PCYT1B: variants seen among roughly 807,000 people sequenced by gnomAD.
The protein encoded by PCYT1B is phosphate cytidylyltransferase 1B, choline.
A neutral mutation model predicts 26.4 loss-of-function variants in PCYT1B; 10 were observed. The ratio of observed to expected loss-of-function variants is 0.38; its 90% CI spans 0.23 to 0.64. The LOEUF (loss-of-function observed/expected upper bound fraction) is 0.64, where lower values mean the gene tolerates loss of function less well. Ranked by LOEUF, PCYT1B falls within the 30% of genes least tolerant of loss-of-function variation. The pLI, the probability that PCYT1B is intolerant of heterozygous loss-of-function variation, is 0.56. For synonymous variants in PCYT1B, 131 were observed against 108.4 expected, an observed-to-expected ratio of 1.21 and a Z score of -1.29; for missense variants, 161 against 292.7, an observed-to-expected ratio of 0.55 and a Z score of 3.28.
intron 3 of PCYT1B, among the ~76,000 whole-genome samples, chrX:24,601,605 A>T (rs909652999): frequency 1.8e-5 from 2 of 111,827 alleles, no homozygotes; most frequent in African/African-American, 6.5e-5. Context: ...AACAATAAGA[A>T]AAAAAACAGC....
intron 1 of PCYT1B, among the ~76,000 whole-genome samples, chrX:24,662,950 A>C (rs2148281042): frequency 8.9e-6 from 1 of 111,895 alleles, no homozygotes; most frequent in South Asian, 3.7e-4. Context: ...AGTCATTCAG[A>C]CCTTGCCTTG....
At chrX:24,567,627 T>C (rs1408531984) in intron 7 of PCYT1B, among the ~76,000 whole-genome samples, 1 of 112,270 alleles carries the variant, frequency 8.9e-6, no homozygotes, top group Non-Finnish European at 1.9e-5. Flanking sequence ...GTTTTCTATT[T>C]CTCTCCTATG....
chrX:24,670,093 AAAGAAAGAAAGAAAGAAAGAAAGG>A (rs1281846842), intron 1 of PCYT1B, among the ~76,000 whole-genome samples: 55 of 85,206 alleles, frequency 6.5e-4, no homozygotes, highest in East Asian at 4.2e-3. Context: ...AGAAAGAAAG[AAAGAAAGAAAGAAAGAAAGAAAGG>A]AAGGAAGGAA....
At chrX:24,574,211 T>C (rs1023113895) in intron 7 of PCYT1B, among the ~76,000 whole-genome samples, 1 of 111,658 alleles carries the variant, frequency 9.0e-6, no homozygotes, top group East Asian at 2.8e-4. Context: ...TTTTTTCTTT[T>C]TGTTGTAGGA....
chrX:24,593,587 C>T (rs1192059372), intron 3 of PCYT1B, among the ~76,000 whole-genome samples: 1 of 106,906 alleles, frequency 9.4e-6, no homozygotes, highest in Non-Finnish European at 1.9e-5. Context: ...AGTGCAATGG[C>T]GCGATCTCAG....
rs1350156655 is a variant in PCYT1B at position 24,559,279 on chromosome X, T to G, written c.*3014A>C. 1.0e-5 allele frequency: 1 copy of G among 98,213 alleles called. No individual in the cohort carries two copies. Among genetic ancestry groups the G allele is most frequent in the Non-Finnish European group, 2.0e-5 (1 of 49,944 alleles). 8.1% of individuals were successfully genotyped at this position (98,213 alleles called of 1,213,427 possible). A position where few individuals can be genotyped will look rare whatever the true frequency, so the allele number is the denominator to read the frequency against. On this transcript the variant is annotated 3_prime_UTR_variant, in exon 8 of 8. Coordinates refer to ENST00000379144, the MANE Select transcript of PCYT1B (RefSeq NM_004845.5). ...CTGCAGTGAGCCGAGATTGTGCCAT[T>G]GCACTCCAGCCTGAGCAACAAGAGC... is the stretch of plus-strand genomic sequence containing the variant.
At chrX:24,636,091 C>A (rs1324664816) in intron 1 of PCYT1B, among the ~76,000 whole-genome samples, 3 of 111,663 alleles carry the variant, frequency 2.7e-5, no homozygotes, top group African/African-American at 9.8e-5. Flanking sequence ...TCACTAGACT[C>A]TCTTTGGGGC....
At chrX:24,601,886 T>C (rs748197711) in intron 3 of PCYT1B, among the ~76,000 whole-genome samples, 1 of 112,441 alleles carries the variant, frequency 8.9e-6, no homozygotes, top group African/African-American at 3.2e-5. Context: ...TTGAATGCTC[T>C]ACCTCTGAGC....
At position 24,618,966 on chromosome X, in the gene PCYT1B, C is replaced by T. The variant is rs1925611485; in HGVS notation, c.217+19G>A. On this transcript the variant is annotated intron_variant, in intron 2 of 7. Transcript: ENST00000379144. ...ATGTCAAGACAGGGCCCATTTAAGA[C>T]AAAGAAGTACAGCCTCACCTGGTGT... 1 of 1,049,888 alleles carries T rather than the reference C, an allele frequency of 9.5e-7. No individual in the cohort carries two copies. The highest frequency in any genetic ancestry group is 1.3e-6 in the Non-Finnish European group (1 of 786,053). The allele number at this position is 1,049,888 out of a possible 1,213,427, so 86.5% of individuals were successfully genotyped here.
chrX:24,664,090 G>A (rs1667970161), intron 1 of PCYT1B, among the ~76,000 whole-genome samples: 1 of 110,716 alleles, frequency 9.0e-6, no homozygotes, highest in Non-Finnish European at 1.9e-5. Flanking sequence ...ATTTTTGGTT[G>A]TCATGACTTG....
At chrX:24,604,450 C>T (rs779749609) in intron 3 of PCYT1B, among the ~76,000 whole-genome samples, 5 of 111,496 alleles carry the variant, frequency 4.5e-5, no homozygotes, top group South Asian at 7.5e-4. Flanking sequence ...TATTACAATT[C>T]GATTATTTTA....
At chrX:24,607,661 T>A (rs1359092730) in intron 3 of PCYT1B, 84 bp downstream of exon 3, 7 of 508,101 alleles carry the variant, frequency 1.4e-5, no homozygotes, top group Non-Finnish European at 2.4e-5. Context: ...GTGAGATTTT[T>A]ACTGATGGAA....
chrX:24,640,490 A>G (rs770278333), intron 1 of PCYT1B, among the ~76,000 whole-genome samples: 2 of 111,717 alleles, frequency 1.8e-5, no homozygotes, highest in African/African-American at 6.5e-5. Flanking sequence ...GCTTAACCAG[A>G]TTTCATGTAG....
intron 3 of PCYT1B, among the ~76,000 whole-genome samples, chrX:24,606,809 G>A (rs890279106): frequency 1.8e-5 from 2 of 112,404 alleles, no homozygotes; most frequent in African/African-American, 6.5e-5. Context: ...AGAGGTTGCA[G>A]TGAGTCAAGA....
chrX:24,664,948 A>T (rs1297921906), intron 1 of PCYT1B, among the ~76,000 whole-genome samples: 1 of 110,998 alleles, frequency 9.0e-6, no homozygotes, highest in African/African-American at 3.3e-5. Flanking sequence ...ACAGAGCAAG[A>T]CTGTCTCAAA....
intron 1 of PCYT1B, chrX:24,672,495 T>C (rs764331007): frequency 2.8e-6 from 2 of 717,783 alleles, no homozygotes; most frequent in African/African-American, 2.1e-5. Flanking sequence ...CACTTGCAGA[T>C]ACATAGGACT....
At chrX:24,590,221 G>C in intron 3 of PCYT1B, 47 bp from the exon 4 acceptor site, 1 of 1,115,532 alleles carries the variant, frequency 9.0e-7, no homozygotes, top group African/African-American at 1.8e-5. Flanking sequence ...CCCAGGACCT[G>C]CTCACAGCCA....
chrX:24,593,154 C>T lies in PCYT1B; in HGVS notation c.335-2980G>A, dbSNP rs954551655. Among the ~76,000 whole-genome samples the T allele has an allele frequency of 3.6e-5, 4 of 111,541 alleles. No homozygotes were observed. The Admixed American group carries it at 3.8e-4, about 11-fold the overall frequency. ...ATTGTTGGTGTTCCCCTATAAATTCCCCGAGGGCAGGGACTTTTGTTTCAT... is the reference window on the plus strand; with the variant it reads ...ATTGTTGGTGTTCCCCTATAAATTCTCCGAGGGCAGGGACTTTTGTTTCAT... On this transcript the variant is annotated intron_variant, in intron 3 of 7. Transcript: ENST00000379144.
rs1437631740 is a variant in PCYT1B at position 24,561,983 on chromosome X, CAGA to C, written c.*307_*309del. The C allele has an allele frequency of 7.1e-6, 6 of 844,680 alleles. No homozygotes were observed. Among genetic ancestry groups the C allele is most frequent in the South Asian group, 2.2e-5 (1 of 45,355 alleles). The allele number at this position is 844,680 out of a possible 1,213,427, so 69.6% of individuals were successfully genotyped here. A position where few individuals can be genotyped will look rare whatever the true frequency, so the allele number is the denominator to read the frequency against. On this transcript the variant is annotated 3_prime_UTR_variant, in exon 8 of 8. Transcript: ENST00000379144. The stretch of plus-strand genomic sequence containing the variant: ...GGTGGGGGTGGTGGAAGGACCAAAG[CAGA>C]AGTCACCCCATCAGTGCAAGTCTCT...
Sources: gnomAD v4.1 joint callset for allele counts (sites outside exome capture counted in the v4.1 genomes callset) on GRCh38, gnomAD v4.1.1 for gene constraint, MANE v1.5 for transcripts, NCBI Gene and HGNC (gene_info 2026-07-23, HGNC 2026-07-21) for gene names.